Variants in CRPPA observed in about 807,000 individuals in gnomAD.
CRPPA encodes the protein D-ribitol-5-phosphate cytidylyltransferase.
In CRPPA, 43 loss-of-function variants were observed where a neutral mutation model predicts 52.0. The observed-to-expected ratio is 0.83, with a 90% CI of 0.65 to 1.07. The LOEUF is 1.07. CRPPA is among the 50% of genes least tolerant of loss of function. CRPPA has a pLI of 0.00. For missense variants in CRPPA, 629 were observed against 551.7 expected (o/e 1.14, Z -1.40); for synonymous variants, 250 against 203.5 (o/e 1.23, Z -1.94).
At position 16,089,955 on chromosome 7, in the gene CRPPA, T is replaced by C. The variant is rs183516471; in HGVS notation, c.*1740A>G. 6.1e-4 allele frequency: 95 copies of C among 156,120 alleles called. No homozygotes were observed. The highest frequency in any genetic ancestry group is 4.2e-3 in the Admixed American group (68 of 16,256). The allele number at this position is 156,120 out of a possible 1,614,324, so 9.7% of individuals were successfully genotyped here. A position where few individuals can be genotyped will look rare whatever the true frequency, so the allele number is the denominator to read the frequency against. On this transcript the variant is annotated 3_prime_UTR_variant, in exon 10 of 10. Coordinates refer to ENST00000407010, the MANE Select transcript of CRPPA (RefSeq NM_001101426.4). ...GATAACATTTCCCCTTCTTCCTTTATGAGCACTTTCAAAGTCTTAAACATT... is the reference window on the plus strand; with the variant it reads ...GATAACATTTCCCCTTCTTCCTTTACGAGCACTTTCAAAGTCTTAAACATT...
At position 16,365,027 on chromosome 7, in the gene CRPPA, T is replaced by C. The variant is rs1204304255; in HGVS notation, c.684+11065A>G. On this transcript the variant is annotated intron_variant, in intron 3 of 9. Transcript: ENST00000407010. ...GTCACATCTTGTTCCCTGCCTCAGA[T>C]TCCCTTGGTCTCATCTGTCTCCTAG... Among the ~76,000 whole-genome samples the C allele has an allele frequency of 2.0e-5, 3 of 152,352 alleles. No individual in the cohort carries two copies. In the East Asian group the frequency reaches 5.8e-4, roughly 29 times the overall value.
Position 16,292,920 on chromosome 7 carries a change from G to C in CRPPA, c.835+8501C>G, listed in dbSNP as rs183972720. On this transcript the variant is annotated intron_variant, in intron 5 of 9. Transcript: ENST00000407010. ...TATAGAAAGTATACTGTCCTCTATA[G>C]ACAGAAAATGGATGTAATCAGGGGT... Among the ~76,000 whole-genome samples the C allele has an allele frequency of 6.3e-4, 96 of 151,906 alleles. 1 individual carries two copies. Among genetic ancestry groups the C allele is most frequent in the Admixed American group, 5.1e-3 (78 of 15,222 alleles).
intron 9 of CRPPA, among the ~76,000 whole-genome samples, chr7:16,094,123 G>A (rs1781890860): frequency 6.6e-6 from 1 of 152,082 alleles, no homozygotes; most frequent in African/African-American, 2.4e-5. Context: ...CATATTTTTA[G>A]TAAAGAATTT....
intron 2 of CRPPA, among the ~76,000 whole-genome samples, chr7:16,398,375 C>T (rs1403553459): frequency 8.8e-6 from 1 of 113,930 alleles, no homozygotes; most frequent in African/African-American, 4.2e-5. Context: ...AAGACCAGGG[C>T]ATGATTGACA....
At chr7:16,153,804 T>G (rs892173372) in intron 9 of CRPPA, among the ~76,000 whole-genome samples, 3 of 151,622 alleles carry the variant, frequency 2.0e-5, no homozygotes, top group Non-Finnish European at 4.4e-5. Flanking sequence ...ACTGTTCACT[T>G]TTTTTTTTCA....
At chr7:16,127,128 T>C (rs1380213111) in intron 9 of CRPPA, among the ~76,000 whole-genome samples, 1 of 152,142 alleles carries the variant, frequency 6.6e-6, no homozygotes, top group Non-Finnish European at 1.5e-5. Flanking sequence ...ATTTAACACA[T>C]TATGAAATTA....
chr7:16,327,501 G>T (rs562945688), intron 3 of CRPPA, among the ~76,000 whole-genome samples: 1 of 151,328 alleles, frequency 6.6e-6, no homozygotes, highest in South Asian at 2.1e-4. Flanking sequence ...GCTGAGGCAG[G>T]AGAATGGCGT....
intron 8 of CRPPA, among the ~76,000 whole-genome samples, chr7:16,217,812 T>C (rs1292524723): frequency 6.6e-6 from 1 of 151,456 alleles, no homozygotes; most frequent in Middle Eastern, 3.2e-3. Flanking sequence ...AATCTACGTC[T>C]GATTGGTGTA....
chr7:16,313,948 A>AT (rs1450202041), intron 3 of CRPPA, among the ~76,000 whole-genome samples: 3 of 151,954 alleles, frequency 2.0e-5, no homozygotes, highest in African/African-American at 7.2e-5. Context: ...TGAATGTTCC[A>AT]TATGAGCATG....
At chr7:16,123,279 T>G (rs1354619692) in intron 9 of CRPPA, among the ~76,000 whole-genome samples, 1 of 152,112 alleles carries the variant, frequency 6.6e-6, no homozygotes, top group Non-Finnish European at 1.5e-5. Flanking sequence ...TTCATTTCCT[T>G]AGGTCTAATG....
At chr7:16,211,300 A>G in intron 9 of CRPPA, among the ~76,000 whole-genome samples, 1 of 152,234 alleles carries the variant, frequency 6.6e-6, no homozygotes, top group East Asian at 1.9e-4. Context: ...ATTTTCCCAA[A>G]GAATGACTAA....
At chr7:16,277,823 A>G (rs1383202744) in intron 6 of CRPPA, among the ~76,000 whole-genome samples, 2 of 152,140 alleles carry the variant, frequency 1.3e-5, no homozygotes, top group African/African-American at 4.8e-5. Context: ...AGCATCTAGC[A>G]TGTGCTGGCC....
chr7:16,332,880 T>C (rs545814489), intron 3 of CRPPA, among the ~76,000 whole-genome samples: 2 of 152,064 alleles, frequency 1.3e-5, no homozygotes, highest in East Asian at 3.9e-4. Context: ...CCAAGTCTTA[T>C]CTACAAGAAA....
chr7:16,107,886 A>AGGG (rs1039949491), intron 9 of CRPPA, among the ~76,000 whole-genome samples: 4 of 152,118 alleles, frequency 2.6e-5, no homozygotes, highest in Non-Finnish European at 4.4e-5. Flanking sequence ...ATAAGTACAA[A>AGGG]GTAGAGTTAT....
chr7:16,317,503 C>T (rs1293196278), intron 3 of CRPPA, among the ~76,000 whole-genome samples: 1 of 152,150 alleles, frequency 6.6e-6, no homozygotes, highest in Non-Finnish European at 1.5e-5. Flanking sequence ...CAATATGCAT[C>T]ATCTTCTCCT....
intron 2 of CRPPA, among the ~76,000 whole-genome samples, chr7:16,392,796 A>C (rs1373739608): frequency 6.6e-6 from 1 of 152,040 alleles, no homozygotes; most frequent in Non-Finnish European, 1.5e-5. Context: ...AAACTTGAAC[A>C]CCCTCTCATA....
intron 8 of CRPPA, among the ~76,000 whole-genome samples, chr7:16,237,883 T>G (rs1782993310): frequency 6.6e-6 from 1 of 152,216 alleles, no homozygotes; most frequent in South Asian, 2.1e-4. Flanking sequence ...ATGCCAGTCC[T>G]CTCACTCCTC....
At chr7:16,234,336 C>T (rs150102874) in intron 8 of CRPPA, among the ~76,000 whole-genome samples, 1 of 151,984 alleles carries the variant, frequency 6.6e-6, no homozygotes, top group Non-Finnish European at 1.5e-5. Flanking sequence ...AGGACACATA[C>T]AGAAAACAAT....
intron 8 of CRPPA, among the ~76,000 whole-genome samples, chr7:16,233,912 C>T (rs1782871951): frequency 6.6e-6 from 1 of 152,106 alleles, no homozygotes; most frequent in South Asian, 2.1e-4. Flanking sequence ...AGGCTATTCA[C>T]TTTCAGGCTG....
Sources: allele counts gnomAD v4.1 joint callset (sites outside exome capture counted in the v4.1 genomes callset), GRCh38; gene constraint gnomAD v4.1.1; transcripts MANE v1.5; gene names NCBI Gene and HGNC (gene_info 2026-07-23, HGNC 2026-07-21).